Variants in NT5C2 observed in about 807,000 individuals in gnomAD.
The protein encoded by NT5C2 is cytosolic purine 5'-nucleotidase.
Under a neutral mutation model 76.1 loss-of-function variants are expected in NT5C2, and 58 were observed. The ratio of observed to expected loss-of-function variants is 0.76; its 90% CI spans 0.62 to 0.95. NT5C2 has a LOEUF of 0.95. Ranked by LOEUF, NT5C2 falls within the 40% of genes least tolerant of loss-of-function variation. The probability of loss-of-function intolerance (pLI) is 0.00; values close to 1 mark genes in which losing one functional copy is unlikely to be tolerated. For synonymous variants in NT5C2, 229 were observed against 237.4 expected, an observed-to-expected ratio of 0.96 and a Z score of 0.32; for missense variants, 478 against 690.3, an observed-to-expected ratio of 0.69 and a Z score of 3.45.
chr10:103,118,439 C>T (rs1321536755), intron 4 of NT5C2, among the ~76,000 whole-genome samples: 2 of 150,598 alleles, frequency 1.3e-5, no homozygotes, highest in Admixed American at 6.6e-5. Flanking sequence ...TCACTGCAAC[C>T]TCCGCCTCCC....
In NT5C2 at chr10:103,125,073, G is replaced by C. The variant is rs541872377; in HGVS notation, c.175+14333C>G. 16 of 292,844 alleles carry C rather than the reference G, an allele frequency of 5.5e-5. 1 individual carries two copies. In the South Asian group the frequency reaches 8.2e-4, roughly 15 times the overall value. The allele number at this position is 292,844 out of a possible 1,614,324, so 18.1% of individuals were successfully genotyped here. ...GTGCATTTTCGTCTTGCTTCTTCAC[G>C]GTCTATGATGTCAGCTGAGATAGTT... On this transcript the variant is annotated intron_variant, in intron 4 of 18. Coordinates refer to ENST00000404739, the MANE Select transcript of NT5C2 (RefSeq NM_001351169.2).
At chr10:103,118,800 T>C (rs2075005810) in intron 4 of NT5C2, among the ~76,000 whole-genome samples, 1 of 150,286 alleles carries the variant, frequency 6.7e-6, no homozygotes, top group South Asian at 2.1e-4. Flanking sequence ...ATTATCTTTT[T>C]TGTTTGTTTG....
intron 4 of NT5C2, among the ~76,000 whole-genome samples, chr10:103,127,162 C>T (rs74838281): frequency 6.6e-6 from 1 of 152,140 alleles, no homozygotes; most frequent in Non-Finnish European, 1.5e-5. Context: ...AATTAATGTA[C>T]ATAATCTCAT....
At chr10:103,186,636 T>C (rs922300647) in intron 1 of NT5C2, among the ~76,000 whole-genome samples, 3 of 152,190 alleles carry the variant, frequency 2.0e-5, no homozygotes, top group Non-Finnish European at 2.9e-5. Context: ...ATTTACTGGC[T>C]GGGTGCGGTG....
chr10:103,183,946 GT>G (rs879819187), intron 1 of NT5C2, among the ~76,000 whole-genome samples: 156 of 139,376 alleles, frequency 1.1e-3, no homozygotes, highest in Non-Finnish European at 1.6e-3. Flanking sequence ...TAAGTTTTTG[GT>G]TTTTTTTTTT....
In NT5C2 at chr10:103,106,644, T is replaced by G. The variant is rs1361855351; in HGVS notation, c.238A>C (p.Ile80Leu). ...FELTVERLVS[I>L]GYPQELLSFA... ...CTGAGCAACTCCTGGGGATAGCCAA[T>G]AGAAACTAATCTCTCCACAGTAAGC... is the stretch of plus-strand genomic sequence containing the variant. Residue 80 changes from isoleucine to leucine, a missense_variant, in exon 5 of 19, where the codon ATT (isoleucine) becomes CTT (leucine). Ile to Leu is a conservative substitution (Grantham distance 5, BLOSUM62 2). Transcript: ENST00000404739. 1.2e-6 allele frequency: 2 copies of G among 1,613,872 alleles called. No homozygotes were observed. Among genetic ancestry groups the G allele is most frequent in the Non-Finnish European group, 1.7e-6 (2 of 1,179,822 alleles).
In NT5C2 at chr10:103,088,070, A is replaced by G. The variant is rs1017714921; in HGVS notation, c.*1602T>C. 3.9e-5 allele frequency: 6 copies of G among 152,254 alleles called. No homozygotes were observed. The highest frequency in any genetic ancestry group is 1.2e-4 in the African/African-American group (5 of 41,458). The allele number at this position is 152,254 out of a possible 1,614,324, so 9.4% of individuals were successfully genotyped here. The stretch of plus-strand genomic sequence containing the variant: ...TTGAATATTTATTTCCTTTAAGAGA[A>G]TATCAAACTGATGTCACCAAATCTA... On this transcript the variant is annotated 3_prime_UTR_variant, in exon 19 of 19. Coordinates refer to ENST00000404739, the MANE Select transcript of NT5C2 (RefSeq NM_001351169.2).
intron 3 of NT5C2, among the ~76,000 whole-genome samples, chr10:103,164,562 A>T (rs897477815): frequency 6.6e-6 from 1 of 152,122 alleles, no homozygotes; most frequent in Non-Finnish European, 1.5e-5. Flanking sequence ...GGCCAAAAAC[A>T]ATGTTTTTAG....
chr10:103,098,154 A>C (rs2068662598), intron 10 of NT5C2: 1 of 471,766 alleles, frequency 2.1e-6, no homozygotes, highest in African/African-American at 2.1e-5. Flanking sequence ...ATTCTAAAAC[A>C]GTTCTAGACT....
intron 3 of NT5C2, among the ~76,000 whole-genome samples, chr10:103,161,579 A>G (rs796789418): frequency 1.4e-4 from 21 of 152,300 alleles, no homozygotes; most frequent in African/African-American, 4.6e-4. Context: ...TGCAGGGCAC[A>G]GTGGCTTGTG....
chr10:103,177,772 G>A (rs2135069351), intron 2 of NT5C2, among the ~76,000 whole-genome samples: 1 of 152,200 alleles, frequency 6.6e-6, no homozygotes, highest in Admixed American at 6.5e-5. Flanking sequence ...CACCTCTGTG[G>A]CTTTTAAAAA....
chr10:103,170,062 G>A (rs1407819189), intron 3 of NT5C2, among the ~76,000 whole-genome samples: 1 of 152,128 alleles, frequency 6.6e-6, no homozygotes, highest in Admixed American at 6.6e-5. Flanking sequence ...AGGAGGCAGA[G>A]GTTGCAGTGA....
intron 4 of NT5C2, chr10:103,125,296 TA>T (rs368951789): frequency 0.21 from 89,217 of 433,994 alleles, 62 homozygotes; most frequent in South Asian, 0.27. Context: ...TTGTCACAGT[TA>T]AAAAAAAAAA....
At position 103,106,625 on chromosome 10, in the gene NT5C2, A is replaced by C. The variant is rs2071346838; in HGVS notation, c.257T>G (p.Leu86Trp). The change falls in exon 5 of 19, where the codon TTG (leucine) becomes TGG (tryptophan). Residue 86 changes from leucine (L) to tryptophan (W), a missense_variant. Leu to Trp is a moderately conservative substitution (Grantham distance 61). Transcript: ENST00000404739. ...RLVSIGYPQELLSFAYDSTFP... is the reference protein window; with the variant it reads ...RLVSIGYPQEWLSFAYDSTFP... ...TGTAGAATCATAAGCAAAGCTGAGC[A>C]ACTCCTGGGGATAGCCAATAGAAAC... The C allele has an allele frequency of 6.2e-7, 1 of 1,613,676 alleles. No homozygotes were observed.
intron 3 of NT5C2, among the ~76,000 whole-genome samples, chr10:103,154,564 C>A (rs1341631922): frequency 6.6e-6 from 1 of 152,092 alleles, no homozygotes; most frequent in Non-Finnish European, 1.5e-5. Context: ...GGCTTTGGAA[C>A]TTTGAATAAG....
intron 3 of NT5C2, among the ~76,000 whole-genome samples, chr10:103,162,058 C>A (rs1250789717): frequency 6.6e-6 from 1 of 152,082 alleles, no homozygotes; most frequent in African/African-American, 2.4e-5. Context: ...GCTCTGTTGC[C>A]AGGCTGGAGT....
chr10:103,176,710 G>A (rs1398531189), intron 2 of NT5C2, among the ~76,000 whole-genome samples: 1 of 152,148 alleles, frequency 6.6e-6, no homozygotes, highest in Non-Finnish European at 1.5e-5. Context: ...TACAAAAAGT[G>A]TTGGCCAGGC....
At chr10:103,111,266 C>G (rs1469939908) in intron 4 of NT5C2, among the ~76,000 whole-genome samples, 1 of 152,176 alleles carries the variant, frequency 6.6e-6, no homozygotes, top group Non-Finnish European at 1.5e-5. Flanking sequence ...TGGCCTACCC[C>G]TAGTTACTCA....
rs751049595 is a variant in NT5C2, at chr10:103,105,689, A to C, written c.389+17T>G. 6.6e-7 allele frequency: 1 copy of C among 1,514,136 alleles called. No individual in the cohort carries two copies. The highest frequency in any genetic ancestry group is 9.2e-7 in the Non-Finnish European group (1 of 1,092,078). The allele number at this position is 1,514,136 out of a possible 1,614,324, so 93.8% of individuals were successfully genotyped here. On this transcript the variant is annotated intron_variant, in intron 6 of 18. Transcript: ENST00000404739. Reference sequence around the variant, plus strand: ...GACTTTAACATTAGAAAGAGGCTAAAGGTTCTCTGTACTCACCCCCTTATA... The same window carrying C: ...GACTTTAACATTAGAAAGAGGCTAACGGTTCTCTGTACTCACCCCCTTATA...
Sources: gnomAD v4.1 joint callset for allele counts (sites outside exome capture counted in the v4.1 genomes callset) on GRCh38, gnomAD v4.1.1 for gene constraint, MANE v1.5 for transcripts, NCBI Gene and HGNC (gene_info 2026-07-23, HGNC 2026-07-21) for gene names.